The following GK2 variants were observed in gnomAD, a reference collection of about 807,000 sequenced individuals.
GK2 encodes the protein ATP:glycerol 3-phosphotransferase 2.
Under a neutral mutation model 9.5 loss-of-function variants are expected in GK2, and 10 were observed. That is an observed-to-expected ratio of 1.05 (90% CI 0.65 to 1.78). The LOEUF (loss-of-function observed/expected upper bound fraction) is 1.78, where lower values mean the gene tolerates loss of function less well. Ranked by LOEUF, GK2 falls within the 40% of genes most tolerant of loss-of-function variation. The probability of loss-of-function intolerance (pLI) is 0.00; values close to 1 mark genes in which losing one functional copy is unlikely to be tolerated. For missense variants in GK2, 643 were observed against 669.0 expected (o/e 0.96, Z 0.43); for synonymous variants, 228 against 229.9 (o/e 0.99, Z 0.07).
chr4:79,408,155 C>G lies in GK2; in HGVS notation c.46G>C (p.Val16Leu). The G allele has an allele frequency of 6.2e-7, 1 of 1,610,720 alleles. No individual in the cohort carries two copies. The highest frequency in any genetic ancestry group is 8.5e-7 in the Non-Finnish European group (1 of 1,178,168). Residue 16 changes from valine (V) to leucine (L), a missense_variant, in exon 1 of 1, where the codon GTG becomes CTG. Transcript: ENST00000358842. Reference sequence around the variant, plus strand: ...CGAGTGGAGTTGGTGCCCTGGACCACCGCTCCCACCAACGGCCCCACAGCT... The same window carrying G: ...CGAGTGGAGTTGGTGCCCTGGACCAGCGCTCCCACCAACGGCCCCACAGCT... ...TAAVGPLVGA[V>L]VQGTNSTRFL...
rs1233249964 is a variant in GK2 at position 79,407,720 on chromosome 4, C to T, written c.481G>A (p.Val161Met). 3 of 1,614,170 alleles carry T rather than the reference C, an allele frequency of 1.9e-6. No individual in the cohort carries two copies. The highest frequency in any genetic ancestry group is 2.5e-6 in the Non-Finnish European group (3 of 1,180,022). The change falls in exon 1 of 1, where the codon GTG becomes ATG. Residue 161 changes from valine (V) to methionine (M), a missense_variant. Transcript: ENST00000358842. ...AVKLRWMLDN[V>M]RNVQKAVEEG... Reference sequence around the variant, plus strand: ...TCAACAGCCTTTTGGACGTTTCTCACATTGTCAAGCATCCAACGAAGTTTT... The same window carrying T: ...TCAACAGCCTTTTGGACGTTTCTCATATTGTCAAGCATCCAACGAAGTTTT...
Position 79,407,972 on chromosome 4 carries a change from C to A in GK2, c.229G>T (p.Glu77Ter). ...CIARTCEKLD[E>*]LNIDISNIKA... ...ATGTTGGATATATCAATATTCAGTTCGTCAAGTTTCTCACACGTTCTCGCT... is the reference window on the plus strand; with the variant it reads ...ATGTTGGATATATCAATATTCAGTTAGTCAAGTTTCTCACACGTTCTCGCT... Residue 77 changes from glutamate (E) to a stop codon, truncating the protein, a stop_gained, in exon 1 of 1, where the codon GAA becomes TAA. Transcript: ENST00000358842. LOFTEE classifies it low-confidence loss of function (END_TRUNC). 2 of 1,614,022 alleles carry A rather than the reference C, an allele frequency of 1.2e-6. No individual in the cohort carries two copies. Among genetic ancestry groups the A allele is most frequent in the African/African-American group, 1.3e-5 (1 of 75,018 alleles).
chr4:79,408,211 G>C lies in GK2; in HGVS notation c.-11C>G. ...CTTTGGGGCTGCCATGACACCAGTA[G>C]GTCGGCTCAGCAGCTCTGGGACCGT... On this transcript the variant is annotated 5_prime_UTR_variant, in exon 1 of 1. Coordinates refer to ENST00000358842, the MANE Select transcript of GK2 (RefSeq NM_033214.3). 3.2e-6 allele frequency: 5 copies of C among 1,565,952 alleles called. No homozygotes were observed. The highest frequency in any genetic ancestry group is 1.8e-4 in the Middle Eastern group (1 of 5,496).
At position 79,407,446 on chromosome 4, in the gene GK2, G is replaced by A. The variant is rs201151701; in HGVS notation, c.755C>T (p.Pro252Leu). Residue 252 changes from proline to leucine, a missense_variant, in exon 1 of 1, where the codon CCA (proline) becomes CTA (leucine). By Grantham distance (98) the Pro-to-Leu change is moderately conservative. Transcript: ENST00000358842. ...TTGGTCCCCCAAACACCCAGATATT[G>A]GCACACCTTCCAGGGCTCCAGTTTT... Reference protein sequence around the residue: ...LIKTGALEGVPISGCLGDQCA... With the variant: ...LIKTGALEGVLISGCLGDQCA... 3.5e-5 allele frequency: 56 copies of A among 1,613,968 alleles called. No individual in the cohort carries two copies. Among genetic ancestry groups the A allele is most frequent in the Non-Finnish European group, 4.2e-5 (50 of 1,180,028 alleles).
In GK2 at chr4:79,407,212, C is replaced by A; in HGVS notation, c.989G>T (p.Arg330Leu). Residue 330 changes from arginine to leucine, a missense_variant, in exon 1 of 1, where the codon CGT becomes CTT. Physicochemically the swap from Arg to Leu is moderately radical, Grantham distance 102 (BLOSUM62 -2). Transcript: ENST00000358842. ...AATTCCAAGATTGTCTCTTAGCCAA[C>A]GAATAACAGCACCTGCTATAGCAAC... ...GSVAIAGAVI[R>L]WLRDNLGIIE... 1 of 1,614,128 alleles carries A rather than the reference C, an allele frequency of 6.2e-7. No individual in the cohort carries two copies. Among genetic ancestry groups the A allele is most frequent in the Non-Finnish European group, 8.5e-7 (1 of 1,180,012 alleles).
In GK2 at chr4:79,408,026, C is replaced by A. The variant is rs755299613; in HGVS notation, c.175G>T (p.Glu59Ter). Residue 59 changes from glutamate to a stop codon, truncating the protein, a stop_gained, in exon 1 of 1, where the codon GAA (glutamate) becomes TAA (stop). Transcript: ENST00000358842. LOFTEE classifies it low-confidence loss of function (END_TRUNC). ...CACTCGTAGACAGACTGAAGAATTTCTTTAGGGTCTTGTTCCACCCATCCT... is the reference window on the plus strand; with the variant it reads ...CACTCGTAGACAGACTGAAGAATTTATTTAGGGTCTTGTTCCACCCATCCT... ...KEGWVEQDPK[E>*]ILQSVYECIA... 9.9e-6 allele frequency: 16 copies of A among 1,614,060 alleles called. No individual in the cohort carries two copies. In the East Asian group the frequency reaches 3.6e-4, roughly 36 times the overall value.
chr4:79,407,043 A>G lies in GK2; in HGVS notation c.1158T>C (p.Phe386=). The G allele has an allele frequency of 6.2e-7, 1 of 1,614,186 alleles. No individual in the cohort carries two copies. Among genetic ancestry groups the G allele is most frequent in the Non-Finnish European group, 8.5e-7 (1 of 1,180,026 alleles). The change falls in exon 1 of 1, where the codon TTT becomes TTC. Residue 386 remains phenylalanine, a synonymous_variant. Coordinates refer to ENST00000358842, the MANE Select transcript of GK2 (RefSeq NM_033214.3). ...ARGILCGLTQ[F]TNKCHIAFAA... is the part of the protein sequence containing the mutation. The stretch of plus-strand genomic sequence containing the variant: ...CAAAAGCAATATGACATTTATTGGT[A>G]AACTGAGTGAGGCCACAGAGTATCC...
Position 79,407,875 on chromosome 4 carries a change from T to C in GK2, c.326A>G (p.Tyr109Cys), listed in dbSNP as rs1725891009. The C allele has an allele frequency of 3.1e-6, 5 of 1,614,212 alleles. No homozygotes were observed. In the South Asian group the frequency reaches 4.4e-5, roughly 14 times the overall value. ...IWDKLTGEPL[Y>C]NAVVWLDLRT... is the part of the protein sequence containing the mutation. ...TAGATCAAGCCACACCACAGCATTG[T>C]AGAGAGGCTCTCCTGTTAACTTGTC... Residue 109 changes from tyrosine to cysteine, a missense_variant, in exon 1 of 1, where the codon TAC (tyrosine) becomes TGC (cysteine). Coordinates refer to ENST00000358842, the MANE Select transcript of GK2 (RefSeq NM_033214.3).
Position 79,407,614 on chromosome 4 carries a change from C to G in GK2, c.587G>C (p.Cys196Ser). Residue 196 changes from cysteine to serine, a missense_variant, in exon 1 of 1, where the codon TGT becomes TCT. Transcript: ENST00000358842. ...CCTACTTGCATTTGTTACATCTGTA[C>G]AATGCACGCCTCCATTAACTCCTCC... ...LTGGVNGGVH[C>S]TDVTNASRTM... 2 of 1,613,766 alleles carry G rather than the reference C, an allele frequency of 1.2e-6. No homozygotes were observed. Among genetic ancestry groups the G allele is most frequent in the Non-Finnish European group, 1.7e-6 (2 of 1,179,642 alleles).
Position 79,407,285 on chromosome 4 carries a change from A to C in GK2, c.916T>G (p.Tyr306Asp). Residue 306 changes from tyrosine (Y) to aspartate (D), a missense_variant, in exon 1 of 1, where the codon TAC becomes GAC. Coordinates refer to ENST00000358842, the MANE Select transcript of GK2 (RefSeq NM_033214.3). ...GCTGGCTTCTCTCTGCCTAGTTTGT[A>C]AGCTACTGTGGTCAAAAGGCCATGT... ...SEHGLLTTVA[Y>D]KLGREKPAYY... The C allele has an allele frequency of 1.2e-6, 2 of 1,614,190 alleles. No individual in the cohort carries two copies. The highest frequency in any genetic ancestry group is 1.7e-6 in the Non-Finnish European group (2 of 1,180,014).
chr4:79,406,573 A>G lies in GK2; in HGVS notation c.1628T>C (p.Leu543Pro). The G allele has an allele frequency of 6.2e-7, 1 of 1,612,936 alleles. No homozygotes were observed. The highest frequency in any genetic ancestry group is 1.3e-5 in the African/African-American group (1 of 75,042). ...ACCCGAGATATATCTTGCTCCAATT[A>G]GCATTACCATGCTACTCACTATAAA... ...GFFIVSSMVM[L>P]IGARYISGVP Residue 543 changes from leucine (L) to proline (P), a missense_variant, in exon 1 of 1, where the codon CTA becomes CCA. Physicochemically the swap from Leu to Pro is moderately conservative, Grantham distance 98. Transcript: ENST00000358842.
chr4:79,406,846 G>T lies in GK2; in HGVS notation c.1355C>A (p.Pro452His). Residue 452 changes from proline to histidine, a missense_variant, in exon 1 of 1, where the codon CCT becomes CAT. Coordinates refer to ENST00000358842, the MANE Select transcript of GK2 (RefSeq NM_033214.3). ...GGCAGCTCCTAGTGCAGTTGTTTCA[G>T]GCATAAAGGGTTTTATTACTGGAAT... ...LHIPVIKPFM[P>H]ETTALGAAMA... The T allele has an allele frequency of 6.2e-7, 1 of 1,614,186 alleles. No homozygotes were observed. Among genetic ancestry groups the T allele is most frequent in the Non-Finnish European group, 8.5e-7 (1 of 1,180,024 alleles).
At position 79,407,298 on chromosome 4, in the gene GK2, CA is replaced by C. The variant is rs1284902820; in HGVS notation, c.902del (p.Leu301Ter). 1.9e-6 allele frequency: 3 copies of C among 1,614,146 alleles called. No homozygotes were observed. In the Admixed American group the frequency reaches 5.0e-5, roughly 27 times the overall value. ...RKCVFSEHGL[L>X]TTVAYKLGRE... ...TGCCTAGTTTGTAAGCTACTGTGGT[CA>C]AAAGGCCATGTTCAGAAAACACACA... On this transcript the variant is annotated frameshift_variant, in exon 1 of 1. Coordinates refer to ENST00000358842, the MANE Select transcript of GK2 (RefSeq NM_033214.3). LOFTEE classifies it high-confidence loss of function.
Position 79,406,809 on chromosome 4 carries a change from C to A in GK2, c.1392G>T (p.Gly464=). 1 of 1,614,180 alleles carries A rather than the reference C, an allele frequency of 6.2e-7. No individual in the cohort carries two copies. The highest frequency in any genetic ancestry group is 8.5e-7 in the Non-Finnish European group (1 of 1,180,002). Residue 464 remains glycine (G), a synonymous_variant, in exon 1 of 1, where the codon GGG becomes GGT. Coordinates refer to ENST00000358842, the MANE Select transcript of GK2 (RefSeq NM_033214.3). ...TCCAAACGCTTACTCCCTCTGCAGC[C>A]CCTGCTGCCATGGCAGCTCCTAGTG... ...TTALGAAMAA[G]AAEGVSVWSL...
rs771725991 is a variant in GK2 at position 79,407,719 on chromosome 4, A to T, written c.482T>A (p.Val161Glu). The part of the protein sequence containing the change: ...AVKLRWMLDN[V>E]RNVQKAVEEG... ...TTCAACAGCCTTTTGGACGTTTCTC[A>T]CATTGTCAAGCATCCAACGAAGTTT... The change falls in exon 1 of 1, where the codon GTG becomes GAG. Residue 161 changes from valine (V) to glutamate (E), a missense_variant. By Grantham distance (121) the Val-to-Glu change is moderately radical. Transcript: ENST00000358842. 2 of 1,614,166 alleles carry T rather than the reference A, an allele frequency of 1.2e-6. No homozygotes were observed. Among genetic ancestry groups the T allele is most frequent in the South Asian group, 2.2e-5 (2 of 91,080 alleles).
rs1360221802 is a variant in GK2 at position 79,407,835 on chromosome 4, A to G, written c.366T>C (p.Thr122=). 1 of 1,614,112 alleles carries G rather than the reference A, an allele frequency of 6.2e-7. No homozygotes were observed. Among genetic ancestry groups the G allele is most frequent in the Non-Finnish European group, 8.5e-7 (1 of 1,179,972 alleles). Residue 122 remains threonine (T), a synonymous_variant, in exon 1 of 1, where the codon ACT becomes ACC. Transcript: ENST00000358842. ...GAATTTTTTTACTAAGATCCTCAAC[A>G]GTAGTCTGGGTTCTTAGATCAAGCC... ...VVWLDLRTQT[T]VEDLSKKIPG...
chr4:79,408,177 AGCTGCTGTCTTTGGG>A lies in GK2; in HGVS notation c.9_23del (p.Pro4_Ala8del). 1.2e-6 allele frequency: 2 copies of A among 1,603,942 alleles called. No homozygotes were observed. Among genetic ancestry groups the A allele is most frequent in the Admixed American group, 1.7e-5 (1 of 59,364 alleles). The stretch of plus-strand genomic sequence containing the variant: ...CCACCGCTCCCACCAACGGCCCCAC[AGCTGCTGTCTTTGGG>A]GCTGCCATGACACCAGTAGGTCGGC... On this transcript the variant is annotated inframe_deletion, in exon 1 of 1. Coordinates refer to ENST00000358842, the MANE Select transcript of GK2 (RefSeq NM_033214.3).
Position 79,407,757 on chromosome 4 carries a change from G to T in GK2, c.444C>A (p.Tyr148Ter). The T allele has an allele frequency of 6.2e-7, 1 of 1,614,076 alleles. No individual in the cohort carries two copies. Among genetic ancestry groups the T allele is most frequent in the Non-Finnish European group, 8.5e-7 (1 of 1,179,950 alleles). Residue 148 changes from tyrosine to a stop codon, truncating the protein, a stop_gained, in exon 1 of 1, where the codon TAC (tyrosine) becomes TAA (stop). Transcript: ENST00000358842. LOFTEE classifies it high-confidence loss of function. ...TCCAACGAAGTTTTACTGCACTGAA[G>T]TAAGTGCTGAGTGGAAGGCCTGTCT... ...KSKTGLPLST[Y>*]FSAVKLRWML...
chr4:79,408,011 CA>C lies in GK2; in HGVS notation c.189del (p.Val64SerfsTer5), dbSNP rs1207359513. 5.6e-6 allele frequency: 9 copies of C among 1,614,016 alleles called. No individual in the cohort carries two copies. In the East Asian group the frequency reaches 2.0e-4, roughly 36 times the overall value. The stretch of plus-strand genomic sequence containing the variant: ...CACGTTCTCGCTATACACTCGTAGA[CA>C]GACTGAAGAATTTCTTTAGGGTCTT... ...VEQDPKEILQ[S>X]VYECIARTCE... On this transcript the variant is annotated frameshift_variant, in exon 1 of 1. Transcript: ENST00000358842. LOFTEE classifies it low-confidence loss of function (END_TRUNC).
Sources: allele counts gnomAD v4.1 joint callset, GRCh38; gene constraint gnomAD v4.1.1; transcripts MANE v1.5; gene names NCBI Gene and HGNC (gene_info 2026-07-23, HGNC 2026-07-21).